The following LRCH4 variants were observed in gnomAD, a reference collection of about 807,000 sequenced individuals.
LRCH4 encodes the protein leucine rich repeats and calponin homology domain containing 4.
A neutral mutation model predicts 81.2 loss-of-function variants in LRCH4; 56 were observed. The ratio of observed to expected loss-of-function variants is 0.69; its 90% CI spans 0.56 to 0.86. LRCH4 has a LOEUF of 0.86. LRCH4 is among the 40% of genes least tolerant of loss of function. The pLI, the probability that LRCH4 is intolerant of heterozygous loss-of-function variation, is 0.00. For synonymous variants in LRCH4, 442 were observed against 409.7 expected (o/e 1.08, Z -0.95); for missense variants, 895 against 922.8 (o/e 0.97, Z 0.39).
At chr7:100,576,370 G>T in intron 14 of LRCH4, 47 bp from the exon 15 acceptor site, 3 of 1,395,046 alleles carry the variant, frequency 2.2e-6, no homozygotes, top group South Asian at 2.3e-5. Flanking sequence ...GCTCACCACT[G>T]ACTCTGTAGC....
At position 100,583,446 on chromosome 7, in the gene LRCH4, G is replaced by A. The variant is rs973704599; in HGVS notation, c.221-987C>T. 3.9e-5 allele frequency among the ~76,000 whole-genome samples: 6 copies of A among 152,158 alleles called. No individual in the cohort carries two copies. The highest frequency in any genetic ancestry group is 1.4e-4 in the African/African-American group (6 of 41,438). On this transcript the variant is annotated intron_variant, in intron 1 of 17. Coordinates refer to ENST00000310300, the MANE Select transcript of LRCH4 (RefSeq NM_002319.5). This position sits in a 1 kb window ranked among gnomAD's most constrained non-coding sequence, Gnocchi z 4.3. ...GTTTCCTCGGCCCAGCCTGTCCTGG[G>A]AGGGGCCCAGGGCCCGCGAGGCGGA...
Position 100,575,705 on chromosome 7 carries a change from C to T in LRCH4, c.1854G>A (p.Glu618=). 6.2e-7 allele frequency: 1 copy of T among 1,614,130 alleles called. No homozygotes were observed. The highest frequency in any genetic ancestry group is 8.5e-7 in the Non-Finnish European group (1 of 1,179,976). ...LEACRKMGVP[E]ADLCSPSDLL... ...ACTCTTTAGAAAGCAGCCCCCATAC[C>T]TCAGGCACCCCCATTTTTCGACAGG... is the stretch of plus-strand genomic sequence containing the variant. Residue 618 remains glutamate (E), a splice_region_variant and synonymous_variant, in exon 17 of 18, where the codon GAG becomes GAA. Coordinates refer to ENST00000310300, the MANE Select transcript of LRCH4 (RefSeq NM_002319.5). The surrounding 1 kb of genome is among the most constrained non-coding windows in gnomAD (Gnocchi z 5.3).
At position 100,583,941 on chromosome 7, in the gene LRCH4, G is replaced by A. The variant is rs1350661587; in HGVS notation, c.221-1482C>T. ...AGCTCAGGCAGGAGGCAGGGCACTG[G>A]GGGCACAGGATGTGGTCTGGGAGAG... On this transcript the variant is annotated intron_variant, in intron 1 of 17. Coordinates refer to ENST00000310300, the MANE Select transcript of LRCH4 (RefSeq NM_002319.5). This position sits in a 1 kb window ranked among gnomAD's most constrained non-coding sequence, Gnocchi z 4.3. 3 of 327,644 alleles carry A rather than the reference G, an allele frequency of 9.2e-6. No individual in the cohort carries two copies. The highest frequency in any genetic ancestry group is 1.9e-5 in the Non-Finnish European group (3 of 161,858). 20.3% of individuals were successfully genotyped at this position (327,644 alleles called of 1,614,324 possible). A position where few individuals can be genotyped will look rare whatever the true frequency, so the allele number is the denominator to read the frequency against.
In LRCH4 at chr7:100,576,755, T is replaced by A. The variant is rs919425885; in HGVS notation, c.1491A>T (p.Pro497=). 11 of 1,596,828 alleles carry A rather than the reference T, an allele frequency of 6.9e-6. No homozygotes were observed. The highest frequency in any genetic ancestry group is 1.7e-5 in the Admixed American group (1 of 57,322). ...AGPATAPAPR[P]LGSIQRPNSF... Reference sequence around the variant, plus strand: ...TGTTTGGTCTCTGAATGGAGCCAAGTGGCCGTGGAGCAGGTGCTGTCGCTG... The same window carrying A: ...TGTTTGGTCTCTGAATGGAGCCAAGAGGCCGTGGAGCAGGTGCTGTCGCTG... The change falls in exon 14 of 18, where the codon CCA becomes CCT. Residue 497 remains proline (P), a synonymous_variant. Transcript: ENST00000310300.
rs200891670 is a variant in LRCH4, at chr7:100,574,632, G to GCGCGCGCGCGCGCACACACACACACACA, written c.*474_*475insTGTGTGTGTGTGTGTGCGCGCGCGCGCG. On this transcript the variant is annotated 3_prime_UTR_variant, in exon 18 of 18. Coordinates refer to ENST00000310300, the MANE Select transcript of LRCH4 (RefSeq NM_002319.5). ...ACGCGGAGCAGACGCGCGCGCGCGCGCACACACACACACACAGGCAGGGCG... is the reference window on the plus strand; with the variant it reads ...ACGCGGAGCAGACGCGCGCGCGCGCGCGCGCGCGCGCGCACACACACACACACACACACACACACACACAGGCAGGGCG... The GCGCGCGCGCGCGCACACACACACACACA allele has an allele frequency of 1.3e-5, 2 of 151,928 alleles. No homozygotes were observed. The highest frequency in any genetic ancestry group is 5.0e-5 in the African/African-American group (2 of 40,300). 9.4% of individuals were successfully genotyped at this position (151,928 alleles called of 1,614,324 possible). A position where few individuals can be genotyped will look rare whatever the true frequency, so the allele number is the denominator to read the frequency against.
At position 100,577,673 on chromosome 7, in the gene LRCH4, G is replaced by C. The variant is rs774539530; in HGVS notation, c.1107C>G (p.Gly369=). 2.5e-6 allele frequency: 4 copies of C among 1,613,790 alleles called. No homozygotes were observed. Among genetic ancestry groups the C allele is most frequent in the Non-Finnish European group, 3.4e-6 (4 of 1,179,972 alleles). ...SHVPGEDEER[G]TVEEQRPPEL... is the part of the protein sequence containing the mutation. The stretch of plus-strand genomic sequence containing the variant: ...ATAGCTGGGCTCTCACCTCCACAGT[G>C]CCTCGCTCTTCATCCTCCCCGGGGA... The change falls in exon 9 of 18, where the codon GGC becomes GGG. Residue 369 remains glycine, a synonymous_variant. Coordinates refer to ENST00000310300, the MANE Select transcript of LRCH4 (RefSeq NM_002319.5). The surrounding 1 kb of genome is among the most constrained non-coding windows in gnomAD (Gnocchi z 6.7).
intron 4 of LRCH4, 154 bp downstream of exon 4, chr7:100,581,623 A>G: frequency 1.6e-6 from 1 of 636,794 alleles, no homozygotes; most frequent in East Asian, 2.9e-5. Context: ...TGACCATGGA[A>G]GCACCCAGAT....
rs138668883 is a variant in LRCH4 at position 100,576,240 on chromosome 7, G to T, written c.1636C>A (p.Gln546Lys). 1 of 1,613,982 alleles carries T rather than the reference G, an allele frequency of 6.2e-7. No homozygotes were observed. Among genetic ancestry groups the T allele is most frequent in the Non-Finnish European group, 8.5e-7 (1 of 1,179,930 alleles). The change falls in exon 15 of 18, where the codon CAG (glutamine) becomes AAG (lysine). Residue 546 changes from glutamine (Q) to lysine (K), a missense_variant and splice_region_variant. This residue lies in a region of LRCH4 where 529 missense variants were observed against 504.9 expected (regional missense o/e 1.05). Coordinates refer to ENST00000310300, the MANE Select transcript of LRCH4 (RefSeq NM_002319.5). ...DEKDLMTQLR[Q>K]VLESRLQRPL... ...ACGCAGCTCCCGCCTCTGCTCACCT[G>T]GCGCAGCTGAGTCATTAAGTCCTTC...
intron 1 of LRCH4, chr7:100,584,334 A>G: frequency 2.4e-6 from 1 of 418,874 alleles, no homozygotes; most frequent in Non-Finnish European, 4.9e-6. Flanking sequence ...AGTGGGGCAG[A>G]GGAGGGTTCT....
Position 100,585,870 on chromosome 7 carries a change from G to A in LRCH4, c.220+11C>T. The stretch of plus-strand genomic sequence containing the variant: ...GGGACCCGGTTGGGCCCGGGGCCCG[G>A]CTGCACTCACCAGCCTGGGTGATGT... On this transcript the variant is annotated intron_variant, in intron 1 of 17. Coordinates refer to ENST00000310300, the MANE Select transcript of LRCH4 (RefSeq NM_002319.5). 2 of 1,586,856 alleles carry A rather than the reference G, an allele frequency of 1.3e-6. No homozygotes were observed. Among genetic ancestry groups the A allele is most frequent in the Non-Finnish European group, 1.7e-6 (2 of 1,163,596 alleles).
chr7:100,585,814 G>C, intron 1 of LRCH4, 67 bp downstream of exon 1: 3 of 1,437,798 alleles, frequency 2.1e-6, no homozygotes, highest in Non-Finnish European at 2.7e-6. Flanking sequence ...TCCCGGGCCG[G>C]GCGGGGCCCG....
Position 100,582,171 on chromosome 7 carries a change from TGGAA to T in LRCH4, c.366-8_366-5del, listed in dbSNP as rs776409650. The T allele has an allele frequency of 1.9e-6, 3 of 1,613,364 alleles. No homozygotes were observed. The highest frequency in any genetic ancestry group is 2.2e-5 in the East Asian group (1 of 44,874). ...CAGCAGCGACAGCTGGTTTCGGCTG[TGGAA>T]GGGAGAAAGGCAGCGGACTGGCTCC... On this transcript the variant is annotated splice_region_variant and splice_polypyrimidine_tract_variant and intron_variant, in intron 2 of 17. Coordinates refer to ENST00000310300, the MANE Select transcript of LRCH4 (RefSeq NM_002319.5). This position sits in a 1 kb window ranked among gnomAD's most constrained non-coding sequence, Gnocchi z 5.0.
At position 100,577,311 on chromosome 7, in the gene LRCH4, C is replaced by T; in HGVS notation, c.1257G>A (p.Gln419=). 6.3e-7 allele frequency: 1 copy of T among 1,596,818 alleles called. No individual in the cohort carries two copies. The highest frequency in any genetic ancestry group is 8.5e-7 in the Non-Finnish European group (1 of 1,178,018). The change falls in exon 11 of 18, where the codon CAG becomes CAA. Residue 419 remains glutamine (Q), a synonymous_variant. Coordinates refer to ENST00000310300, the MANE Select transcript of LRCH4 (RefSeq NM_002319.5). The surrounding 1 kb of genome is among the most constrained non-coding windows in gnomAD (Gnocchi z 6.7). The part of the protein sequence containing the change: ...QLWQERERRQ[Q]QQSGAWGAPR... The stretch of plus-strand genomic sequence containing the variant: ...GGGCCCCCCACGCCCCGCTCTGCTG[C>T]TGCTGCCGCCGTTCCCGCTCCTGCC...
Position 100,574,731 on chromosome 7 carries a change from T to C in LRCH4, c.*376A>G, listed in dbSNP as rs1801286205. 1 of 212,334 alleles carries C rather than the reference T, an allele frequency of 4.7e-6. No homozygotes were observed. Among genetic ancestry groups the C allele is most frequent in the Non-Finnish European group, 9.6e-6 (1 of 104,610 alleles). The allele number at this position is 212,334 out of a possible 1,614,324, so 13.2% of individuals were successfully genotyped here. A position where few individuals can be genotyped will look rare whatever the true frequency, so the allele number is the denominator to read the frequency against. ...CCCGAACCCCTACAAATATAGATCC[T>C]CTCTACAAAATAGAGATAATTTAGC... On this transcript the variant is annotated 3_prime_UTR_variant, in exon 18 of 18. Transcript: ENST00000310300.
Position 100,575,182 on chromosome 7 carries a change from C to T in LRCH4, c.1977G>A (p.Leu659=), listed in dbSNP as rs1801306189. ...ALPPLWPPSG[L]GGFVVFYVVL... ...CCACGTAGAAGACGACGAAGCCGCC[C>T]AGACCAGAGGGGGGCCAGAGGGGCG... is the stretch of plus-strand genomic sequence containing the variant. The change falls in exon 18 of 18, where the codon CTG becomes CTA. Residue 659 remains leucine, a synonymous_variant. Transcript: ENST00000310300. The surrounding 1 kb of genome is among the most constrained non-coding windows in gnomAD (Gnocchi z 5.3). 1.2e-6 allele frequency: 2 copies of T among 1,613,208 alleles called. No homozygotes were observed. Among genetic ancestry groups the T allele is most frequent in the African/African-American group, 1.3e-5 (1 of 74,882 alleles).
At position 100,578,439 on chromosome 7, in the gene LRCH4, C is replaced by G. The variant is rs780267624; in HGVS notation, c.808G>C (p.Gly270Arg). ...GGGGGCCGAGAAGGGGCCAGGTCCC[C>G]CAGGGCCGACCCACGCTGCCCGGCC... The part of the protein sequence containing the change: ...TEAGQRGSAL[G>R]DLAPSRPPSF... Residue 270 changes from glycine (G) to arginine (R), a missense_variant, in exon 6 of 18, where the codon GGG becomes CGG. Coordinates refer to ENST00000310300, the MANE Select transcript of LRCH4 (RefSeq NM_002319.5). This position sits in a 1 kb window ranked among gnomAD's most constrained non-coding sequence, Gnocchi z 5.7. 6.2e-7 allele frequency: 1 copy of G among 1,614,062 alleles called. No individual in the cohort carries two copies. Among genetic ancestry groups the G allele is most frequent in the Admixed American group, 1.7e-5 (1 of 60,006 alleles).
rs565499765 is a variant in LRCH4, at chr7:100,575,493, G to A, written c.1855-189C>T. On this transcript the variant is annotated intron_variant, in intron 17 of 17. Transcript: ENST00000310300. This position sits in a 1 kb window ranked among gnomAD's most constrained non-coding sequence, Gnocchi z 5.3. ...GCATGTGCAGGACAGGTGACATGCA[G>A]GACAAGATGGGGCCTGCAGGGCAGG... is the stretch of plus-strand genomic sequence containing the variant. The A allele has an allele frequency of 1.7e-5, 14 of 825,074 alleles. No homozygotes were observed. In the African/African-American group the frequency reaches 2.2e-4, roughly 13 times the overall value. 51.1% of individuals were successfully genotyped at this position (825,074 alleles called of 1,614,324 possible). A position where few individuals can be genotyped will look rare whatever the true frequency, so the allele number is the denominator to read the frequency against.
rs1801354901 is a variant in LRCH4 at position 100,576,251 on chromosome 7, G to A, written c.1625C>T (p.Thr542Ile). ...PQVPDEKDLM[T>I]QLRQVLESRL... ...GCCTCTGCTCACCTGGCGCAGCTGA[G>A]TCATTAAGTCCTTCTCATCTGGAAC... The change falls in exon 15 of 18, where the codon ACT becomes ATT. Residue 542 changes from threonine to isoleucine, a missense_variant. Physicochemically the swap from Thr to Ile is moderately conservative, Grantham distance 89. Coordinates refer to ENST00000310300, the MANE Select transcript of LRCH4 (RefSeq NM_002319.5). 2.5e-6 allele frequency: 4 copies of A among 1,614,108 alleles called. No individual in the cohort carries two copies. The highest frequency in any genetic ancestry group is 3.4e-6 in the Non-Finnish European group (4 of 1,179,984).
Position 100,578,966 on chromosome 7 carries a change from TC to T in LRCH4, c.599-181del. On this transcript the variant is annotated intron_variant, in intron 4 of 17. Transcript: ENST00000310300. The surrounding 1 kb of genome is among the most constrained non-coding windows in gnomAD (Gnocchi z 5.7). Reference sequence around the variant, plus strand: ...TGCTCCTCTCTCCACATGATTCTGGTCCACGGTCTAAGCGAGCCTCCCTGAG... The same window carrying T: ...TGCTCCTCTCTCCACATGATTCTGGTCACGGTCTAAGCGAGCCTCCCTGAG... 1.6e-6 allele frequency: 1 copy of T among 642,712 alleles called. No individual in the cohort carries two copies. The highest frequency in any genetic ancestry group is 2.6e-6 in the Non-Finnish European group (1 of 377,888). The allele number at this position is 642,712 out of a possible 1,614,324, so 39.8% of individuals were successfully genotyped here. A position where few individuals can be genotyped will look rare whatever the true frequency, so the allele number is the denominator to read the frequency against.
Sources: gnomAD v4.1 joint callset for allele counts (sites outside exome capture counted in the v4.1 genomes callset) on GRCh38, gnomAD v4.1.1 for gene constraint, gnomAD v4.1.1 regional missense constraint, Gnocchi (gnomAD v3.1) non-coding constraint, MANE v1.5 for transcripts, NCBI Gene and HGNC (gene_info 2026-07-23, HGNC 2026-07-21) for gene names.